PMP22: variants seen among roughly 807,000 people sequenced by gnomAD.
PMP22 encodes Charcot-Marie-Tooth neuropathy 1A (greatly reduced nerve conduction velocity, hereditary motor sensory neuropathy Ia).
Under a neutral mutation model 18.9 loss-of-function variants are expected in PMP22, and 2 were observed. That is an observed-to-expected ratio of 0.11 (90% confidence interval 0.04 to 0.33). The LOEUF is 0.33. Among genes scored for constraint, PMP22 ranks in the 10% least tolerant of loss-of-function variants. The pLI is 1.00. For synonymous variants in PMP22, 95 were observed against 89.2 expected, an observed-to-expected ratio of 1.07 and a Z score of -0.37; for missense variants, 169 against 202.2, an observed-to-expected ratio of 0.84 and a Z score of 1.00.
At chr17:15,260,505 G>T in intron 2 of PMP22, 145 bp downstream of exon 2, 2 of 732,168 alleles carry the variant, frequency 2.7e-6, no homozygotes, top group Admixed American at 4.0e-5. Context: ...AACTGGAAGG[G>T]GGCAGATTGC....
rs2150676089 is a variant in PMP22, at chr17:15,239,225, CCTCTAAGTT to C, written c.319+237_319+245del. 4.9e-6 allele frequency: 3 copies of C among 612,510 alleles called. No individual in the cohort carries two copies. The Admixed American group carries it at 8.4e-5, about 17-fold the overall frequency. The allele number at this position is 612,510 out of a possible 1,614,324, so 37.9% of individuals were successfully genotyped here. ...TTGGGTGGGGACCTTCCTTCCAGAT[CCTCTAAGTT>C]CTCTTTCATATGCATCTCATTCCAG... On this transcript the variant is annotated intron_variant, in intron 4 of 4. Transcript: ENST00000312280.
At chr17:15,249,317 C>T (rs1908120378) in intron 3 of PMP22, among the ~76,000 whole-genome samples, 2 of 152,166 alleles carry the variant, frequency 1.3e-5, no homozygotes, top group Admixed American at 1.3e-4. Context: ...CAGGTCCTAC[C>T]TCAATGCCTG....
chr17:15,253,231 G>A (rs1490325722), intron 3 of PMP22, among the ~76,000 whole-genome samples: 1 of 152,158 alleles, frequency 6.6e-6, no homozygotes, highest in Admixed American at 6.5e-5. Context: ...GACCCTGCGT[G>A]CCATGCCCCA....
chr17:15,253,805 G>A (rs1352913513), intron 3 of PMP22, among the ~76,000 whole-genome samples: 1 of 151,978 alleles, frequency 6.6e-6, no homozygotes, highest in Non-Finnish European at 1.5e-5. Flanking sequence ...ACTCCTCAAG[G>A]AGACCTTCCT....
intron 4 of PMP22, among the ~76,000 whole-genome samples, chr17:15,232,049 A>C (rs570135266): frequency 6.6e-6 from 1 of 151,932 alleles, no homozygotes; most frequent in South Asian, 2.1e-4. Context: ...AGGGTCTTTG[A>C]GAAGCTCTGA....
chr17:15,230,985 C>T lies in PMP22; in HGVS notation c.415G>A (p.Ala139Thr). ...AGGGCCAGGGGGAAGGCCACCCAGGCCAGGATGTAGGCGAAACCGTAGGAG... is the reference window on the plus strand; with the variant it reads ...AGGGCCAGGGGGAAGGCCACCCAGGTCAGGATGTAGGCGAAACCGTAGGAG... ...DYSYGFAYIL[A>T]WVAFPLALLS... is the part of the protein sequence containing the mutation. Residue 139 changes from alanine (A) to threonine (T), a missense_variant, in exon 5 of 5, where the codon GCC becomes ACC. Physicochemically the swap from Ala to Thr is moderately conservative, Grantham distance 58. Transcript: ENST00000312280. The T allele has an allele frequency of 6.2e-7, 1 of 1,614,198 alleles. No individual in the cohort carries two copies. The highest frequency in any genetic ancestry group is 8.5e-7 in the Non-Finnish European group (1 of 1,180,032).
At chr17:15,237,926 T>A (rs1906950683) in intron 4 of PMP22, among the ~76,000 whole-genome samples, 1 of 152,068 alleles carries the variant, frequency 6.6e-6, no homozygotes, top group Non-Finnish European at 1.5e-5. Flanking sequence ...AAATCCATAT[T>A]ATCTTGAGGG....
chr17:15,241,374 G>C (rs1907300617), intron 3 of PMP22, among the ~76,000 whole-genome samples: 1 of 152,128 alleles, frequency 6.6e-6, no homozygotes, highest in African/African-American at 2.4e-5. Context: ...TAGCACTTTG[G>C]TAGATGCAGC....
intron 3 of PMP22, among the ~76,000 whole-genome samples, chr17:15,253,649 C>T (rs758218581): frequency 4.6e-5 from 7 of 152,120 alleles, no homozygotes; most frequent in Non-Finnish European, 1.0e-4. Flanking sequence ...TGTGATTCTA[C>T]TTACCCCTCA....
chr17:15,242,999 G>C (rs921573263), intron 3 of PMP22, among the ~76,000 whole-genome samples: 1 of 152,136 alleles, frequency 6.6e-6, no homozygotes, highest in Admixed American at 6.5e-5. Context: ...ATTATATAGA[G>C]AGCCACATGG....
intron 4 of PMP22, 96 bp from the exon 5 acceptor site, chr17:15,231,176 G>A: frequency 8.3e-7 from 1 of 1,205,616 alleles, no homozygotes; most frequent in Non-Finnish European, 1.2e-6. Context: ...TGGGTAGGAA[G>A]AACATTTCTA....
intron 4 of PMP22, among the ~76,000 whole-genome samples, chr17:15,236,292 G>A (rs1469238108): frequency 2.6e-5 from 4 of 152,118 alleles, no homozygotes; most frequent in Non-Finnish European, 5.9e-5. Flanking sequence ...CTAGAGCAAG[G>A]AGACAGACAA....
intron 4 of PMP22, among the ~76,000 whole-genome samples, chr17:15,232,907 G>T (rs1421329508): frequency 6.6e-6 from 1 of 152,202 alleles, no homozygotes; most frequent in Non-Finnish European, 1.5e-5. Flanking sequence ...TAGAATCTCA[G>T]AAGTGAATGA....
At chr17:15,254,056 G>A (rs935485092) in intron 3 of PMP22, among the ~76,000 whole-genome samples, 7 of 152,184 alleles carry the variant, frequency 4.6e-5, no homozygotes, top group Admixed American at 1.3e-4. Context: ...ATTTCAGGAC[G>A]TGAGAAAACG....
In PMP22 at chr17:15,255,990, G is replaced by A. The variant is rs1037583492; in HGVS notation, c.178+3104C>T. Among the ~76,000 whole-genome samples the A allele has an allele frequency of 1.1e-4, 17 of 152,244 alleles. No individual in the cohort carries two copies. In the South Asian group the frequency reaches 2.9e-3, roughly 26 times the overall value. Reference sequence around the variant, plus strand: ...TCCAGATCCTTGTATTCCCTGGGCCGGAGAGGCACTGGATACAATATCATA... The same window carrying A: ...TCCAGATCCTTGTATTCCCTGGGCCAGAGAGGCACTGGATACAATATCATA... On this transcript the variant is annotated intron_variant, in intron 3 of 4. Transcript: ENST00000312280.
intron 3 of PMP22, among the ~76,000 whole-genome samples, chr17:15,254,763 G>C (rs1281843119): frequency 6.6e-6 from 1 of 152,114 alleles, no homozygotes; most frequent in African/African-American, 2.4e-5. Flanking sequence ...TTCGAGACCA[G>C]CCTGACCAAC....
At chr17:15,233,312 G>A (rs1325416121) in intron 4 of PMP22, among the ~76,000 whole-genome samples, 4 of 152,222 alleles carry the variant, frequency 2.6e-5, no homozygotes, top group Admixed American at 6.5e-5. Context: ...GTAGGGGCCT[G>A]AGTCTGGGAG....
At chr17:15,255,484 G>A (rs995242951) in intron 3 of PMP22, among the ~76,000 whole-genome samples, 1 of 151,966 alleles carries the variant, frequency 6.6e-6, no homozygotes, top group Non-Finnish European at 1.5e-5. Flanking sequence ...CCCAAGAGAT[G>A]GCAAAGAAAT....
intron 2 of PMP22, chr17:15,260,219 GC>G (rs1909195487): frequency 3.8e-6 from 1 of 260,356 alleles, no homozygotes; most frequent in Non-Finnish European, 7.6e-6. Context: ...TTCCAGAAAA[GC>G]CCATTTTAAC....
Sources: allele counts gnomAD v4.1 joint callset (sites outside exome capture counted in the v4.1 genomes callset), GRCh38; gene constraint gnomAD v4.1.1; transcripts MANE v1.5; gene names NCBI Gene and HGNC (gene_info 2026-07-23, HGNC 2026-07-21).